TSHZ3: variants seen among roughly 807,000 people sequenced by gnomAD.
The protein encoded by TSHZ3 is teashirt zinc finger homeobox 3, also known as teashirt homolog 3.
TSHZ3 carries 10 observed loss-of-function variants against 64.5 expected under a neutral mutation model. The ratio of observed to expected loss-of-function variants is 0.16; its 90% CI spans 0.10 to 0.26. The LOEUF (loss-of-function observed/expected upper bound fraction) is 0.26, where lower values mean the gene tolerates loss of function less well. Among genes scored for constraint, TSHZ3 ranks in the 10% least tolerant of loss-of-function variants. TSHZ3 has a pLI of 1.00. For missense variants in TSHZ3, 1,242 were observed against 1,421.7 expected (o/e 0.87, Z 2.03); for synonymous variants, 608 against 593.1 (o/e 1.03, Z -0.36).
At chr19:31,268,092 A>G (rs889721804) in intron 1 of TSHZ3, among the ~76,000 whole-genome samples, 7 of 152,020 alleles carry the variant, frequency 4.6e-5, no homozygotes, top group African/African-American at 1.7e-4. Context: ...ACGAGATTTG[A>G]TGGTTTTATA....
intron 3 of TSHZ3, among the ~76,000 whole-genome samples, chr19:31,237,024 C>T (rs1260943611): frequency 6.7e-6 from 1 of 150,278 alleles, no homozygotes. Context: ...TGGCACATGC[C>T]TCTAATCCCA....
intron 1 of TSHZ3, among the ~76,000 whole-genome samples, chr19:31,255,485 C>T (rs1426840644): frequency 6.6e-6 from 1 of 152,162 alleles, no homozygotes; most frequent in African/African-American, 2.4e-5. Context: ...ATTTTCAAAT[C>T]ACTGCGCTTA....
intron 1 of TSHZ3, among the ~76,000 whole-genome samples, chr19:31,329,582 AAT>A (rs1268277198): frequency 6.6e-6 from 1 of 152,246 alleles, no homozygotes; most frequent in Admixed American, 6.5e-5. Context: ...ACAGCAATAA[AAT>A]AGTGTTTTTA....
intron 1 of TSHZ3, among the ~76,000 whole-genome samples, chr19:31,292,569 G>T (rs1976584390): frequency 6.6e-6 from 1 of 152,106 alleles, no homozygotes; most frequent in African/African-American, 2.4e-5. Flanking sequence ...AACATGAGAT[G>T]GGAGTTAAGA....
At chr19:31,254,967 G>A (rs1568360760) in intron 1 of TSHZ3, among the ~76,000 whole-genome samples, 1 of 152,168 alleles carries the variant, frequency 6.6e-6, no homozygotes, top group Non-Finnish European at 1.5e-5. Flanking sequence ...CTCAGCAGGA[G>A]TGGGGAAGGA....
At chr19:31,321,264 A>C (rs1916761393) in intron 1 of TSHZ3, among the ~76,000 whole-genome samples, 1 of 152,154 alleles carries the variant, frequency 6.6e-6, no homozygotes, top group Admixed American at 6.5e-5. Context: ...CAGTGCTGAG[A>C]AGGCCATGGC....
At chr19:31,176,354 A>G (rs964430786) in intron 5 of TSHZ3, among the ~76,000 whole-genome samples, 6 of 152,240 alleles carry the variant, frequency 3.9e-5, no homozygotes, top group African/African-American at 1.4e-4. Flanking sequence ...TATAGTTGGA[A>G]GAGAACTCAG....
chr19:31,188,418 G>T (rs1974846876), intron 5 of TSHZ3, among the ~76,000 whole-genome samples: 1 of 151,878 alleles, frequency 6.6e-6, no homozygotes, highest in Non-Finnish European at 1.5e-5. Flanking sequence ...TAGCATGGAT[G>T]TGATGAAAGT....
At chr19:31,235,661 T>C (rs1975603135) in intron 3 of TSHZ3, among the ~76,000 whole-genome samples, 1 of 149,430 alleles carries the variant, frequency 6.7e-6, no homozygotes, top group Admixed American at 6.8e-5. Flanking sequence ...TATTTCTTTC[T>C]ATTTCTTTCT....
intron 5 of TSHZ3, among the ~76,000 whole-genome samples, chr19:31,157,018 G>A (rs527300116): frequency 1.3e-5 from 2 of 152,248 alleles, no homozygotes; most frequent in East Asian, 1.9e-4. Context: ...CTGAGAGCAG[G>A]GTGGTAAATT....
intron 5 of TSHZ3, among the ~76,000 whole-genome samples, chr19:31,171,424 A>G (rs1319130410): frequency 6.6e-6 from 1 of 152,136 alleles, no homozygotes; most frequent in Non-Finnish European, 1.5e-5. Context: ...TTTATATAGC[A>G]GGGAAGAAAT....
At chr19:31,259,456 G>A (rs905089001) in intron 1 of TSHZ3, among the ~76,000 whole-genome samples, 6 of 151,978 alleles carry the variant, frequency 3.9e-5, no homozygotes, top group Admixed American at 6.6e-5. Context: ...CCTGAAGCTC[G>A]CAAATCCTCA....
chr19:31,188,822 G>A (rs552229991), intron 5 of TSHZ3, among the ~76,000 whole-genome samples: 1 of 151,950 alleles, frequency 6.6e-6, no homozygotes, highest in Non-Finnish European at 1.5e-5. Flanking sequence ...GGGGTGATGT[G>A]TTCCTTTCTT....
intron 1 of TSHZ3, among the ~76,000 whole-genome samples, chr19:31,244,071 T>C (rs1333238025): frequency 6.6e-6 from 1 of 152,174 alleles, no homozygotes; most frequent in African/African-American, 2.4e-5. Flanking sequence ...ATATTTGCAT[T>C]CAGGGATGTT....
chr19:31,173,785 A>C (rs1326150107), intron 5 of TSHZ3, among the ~76,000 whole-genome samples: 1 of 152,234 alleles, frequency 6.6e-6, no homozygotes, highest in East Asian at 1.9e-4. Context: ...AGATGTAAAC[A>C]GATTTATTAT....
chr19:31,271,392 C>G (rs1019537850), downstream of TSHZ3, among the ~76,000 whole-genome samples: 1 of 152,162 alleles, frequency 6.6e-6, no homozygotes, highest in African/African-American at 2.4e-5. Context: ...AGCAAACTCC[C>G]TGGAAACAAA....
At position 31,340,884 on chromosome 19, in the gene TSHZ3, C is replaced by G. The variant is rs1263887487; in HGVS notation, c.40+8296G>C. Among the ~76,000 whole-genome samples, 3 of 152,368 alleles carry G rather than the reference C, an allele frequency of 2.0e-5. No homozygotes were observed. In the East Asian group the frequency reaches 5.8e-4, roughly 29 times the overall value. On this transcript the variant is annotated intron_variant, in intron 1 of 1. Transcript: ENST00000240587. ...AGCCAGCTAAAGCTGGCAGCAAGAC[C>G]TGCCTTCACAGGCTCTGGACACAGG... is the stretch of plus-strand genomic sequence containing the variant.
chr19:31,256,060 T>C (rs1975905216), intron 1 of TSHZ3, among the ~76,000 whole-genome samples: 1 of 152,102 alleles, frequency 6.6e-6, no homozygotes, highest in Non-Finnish European at 1.5e-5. Flanking sequence ...ATGGTCATTC[T>C]TCATCAACAC....
In TSHZ3 at chr19:31,278,538, T is replaced by C. The variant is rs754464209; in HGVS notation, c.1255A>G (p.Met419Val). The change falls in exon 2 of 2, where the codon ATG becomes GTG. Residue 419 changes from methionine to valine, a missense_variant. Around this residue, in one of 4 missense-constraint regions of TSHZ3, gnomAD observed 555 missense variants for 704.0 expected, o/e 0.79. Transcript: ENST00000240587. This position sits in a 1 kb window ranked among gnomAD's most constrained non-coding sequence, Gnocchi z 4.7. ...GHFIKVTNSA[M>V]KKGKPIVETP... Reference sequence around the variant, plus strand: ...TCCACAATGGGCTTCCCCTTTTTCATAGCAGAGTTGGTGACCTTGATGAAG... The same window carrying C: ...TCCACAATGGGCTTCCCCTTTTTCACAGCAGAGTTGGTGACCTTGATGAAG... 3.7e-6 allele frequency: 6 copies of C among 1,614,012 alleles called. No individual in the cohort carries two copies. Among genetic ancestry groups the C allele is most frequent in the African/African-American group, 2.7e-5 (2 of 74,896 alleles).
Sources: allele counts gnomAD v4.1 joint callset (sites outside exome capture counted in the v4.1 genomes callset), GRCh38; gene constraint gnomAD v4.1.1; regional missense constraint gnomAD v4.1.1; non-coding constraint Gnocchi (gnomAD v3.1); transcripts MANE v1.5; gene names NCBI Gene and HGNC (gene_info 2026-07-23, HGNC 2026-07-21).